ITGA2: variants seen among roughly 807,000 people sequenced by gnomAD.
The protein encoded by ITGA2 is integrin alpha-2.
A neutral mutation model predicts 146.3 loss-of-function variants in ITGA2; 101 were observed. The observed-to-expected ratio is 0.69, with a 90% CI of 0.59 to 0.81. The LOEUF (loss-of-function observed/expected upper bound fraction) is 0.81. Among genes scored for constraint, ITGA2 ranks in the 40% least tolerant of loss-of-function variants. The pLI is 0.00. For missense variants in ITGA2, 1,281 were observed against 1,402.7 expected (o/e 0.91, Z 1.39); for synonymous variants, 477 against 487.1 (o/e 0.98, Z 0.27).
At chr5:53,033,812 G>A (rs1743357377) in intron 2 of ITGA2, among the ~76,000 whole-genome samples, 1 of 149,636 alleles carries the variant, frequency 6.7e-6, no homozygotes, top group South Asian at 2.1e-4. Context: ...TGCCCAGGAT[G>A]GAGTGCAGTA....
At chr5:53,084,591 T>A (rs1191696651) in intron 27 of ITGA2, among the ~76,000 whole-genome samples, 2 of 152,188 alleles carry the variant, frequency 1.3e-5, no homozygotes, top group East Asian at 3.8e-4. Context: ...TTGCTTGCTT[T>A]TACTTTGTTT....
chr5:53,083,896 A>G (rs1308330970), intron 27 of ITGA2, among the ~76,000 whole-genome samples: 1 of 152,186 alleles, frequency 6.6e-6, no homozygotes, highest in East Asian at 1.9e-4. Context: ...CAAACCACCT[A>G]GTAGATGAAT....
intron 1 of ITGA2, among the ~76,000 whole-genome samples, chr5:53,019,919 T>G (rs1256341254): frequency 3.3e-5 from 5 of 152,220 alleles, no homozygotes; most frequent in Non-Finnish European, 7.3e-5. Flanking sequence ...TATTAGTTGT[T>G]GTTTTTAATC....
At position 53,074,389 on chromosome 5, in the gene ITGA2, A is replaced by G. The variant is rs1348916177; in HGVS notation, c.2576A>G (p.Asp859Gly). 3 of 1,611,966 alleles carry G rather than the reference A, an allele frequency of 1.9e-6. No homozygotes were observed. The African/African-American group carries it at 4.0e-5, about 22-fold the overall frequency. Reference protein sequence around the residue: ...LFFASFSLPVDGTEVTCQVAA... With the variant: ...LFFASFSLPVGGTEVTCQVAA... ...TGTTTCCTTGGTCTTGTTCAGGTTGATGGGACAGAAGTAACATGCCAGGTG... is the reference window on the plus strand; with the variant it reads ...TGTTTCCTTGGTCTTGTTCAGGTTGGTGGGACAGAAGTAACATGCCAGGTG... Residue 859 changes from aspartate to glycine, a missense_variant, in exon 21 of 30, where the codon GAT becomes GGT. Physicochemically the swap from Asp to Gly is moderately conservative, Grantham distance 94 (BLOSUM62 -1). This residue lies in a region of ITGA2 where 475 missense variants were observed against 530.5 expected (regional missense o/e 0.90). Coordinates refer to ENST00000296585, the MANE Select transcript of ITGA2 (RefSeq NM_002203.4).
chr5:53,044,704 G>A lies in ITGA2; in HGVS notation c.296-297G>A, dbSNP rs118084212. Among the ~76,000 whole-genome samples the A allele has an allele frequency of 1.2e-3, 189 of 151,584 alleles. 1 individual carries two copies. The South Asian group carries it at 0.027, about 22-fold the overall frequency. ...AGAGGCAAAAATGATGTCCTCAAAT[G>A]TGTTTTGTTTTGCTAGAATATTGTA... On this transcript the variant is annotated intron_variant, in intron 3 of 29. Coordinates refer to ENST00000296585, the MANE Select transcript of ITGA2 (RefSeq NM_002203.4).
chr5:53,046,655 T>C (rs3212678), intron 4 of ITGA2, among the ~76,000 whole-genome samples: 54 of 151,504 alleles, frequency 3.6e-4, no homozygotes, highest in Non-Finnish European at 6.3e-4. Context: ...TTTGAGAGAT[T>C]AATTAGCAGT....
At chr5:53,048,230 C>A in intron 4 of ITGA2, 133 bp from the exon 5 acceptor site, 1 of 749,834 alleles carries the variant, frequency 1.3e-6, no homozygotes, top group Non-Finnish European at 2.3e-6. Flanking sequence ...GCATTACTGA[C>A]TCATTGGTTT....
At chr5:53,009,471 T>C (rs992199938) in intron 1 of ITGA2, among the ~76,000 whole-genome samples, 12 of 152,168 alleles carry the variant, frequency 7.9e-5, no homozygotes, top group East Asian at 3.9e-4. Flanking sequence ...TTGGGTCTTA[T>C]TGTTGTTCAG....
Position 53,088,613 on chromosome 5 carries a change from G to A in ITGA2, c.3349-1333G>A, listed in dbSNP as rs373758241. Among the ~76,000 whole-genome samples, 32 of 149,486 alleles carry A rather than the reference G, an allele frequency of 2.1e-4. No homozygotes were observed. The East Asian group carries it at 5.5e-3, about 26-fold the overall frequency. ...AGGCAGGAGAATCGCTTGAACCTGC[G>A]AGGCAGAGGTTGCAATGAGCTGAGA... On this transcript the variant is annotated intron_variant, in intron 28 of 29. Coordinates refer to ENST00000296585, the MANE Select transcript of ITGA2 (RefSeq NM_002203.4).
At chr5:53,067,796 A>T (rs2056402) in intron 16 of ITGA2, among the ~76,000 whole-genome samples, 9,767 of 152,000 alleles carry the variant, frequency 0.064, 454 homozygotes, top group East Asian at 0.16. Context: ...ATGTCTCATC[A>T]GATGGGGAAG....
chr5:52,997,257 T>C (rs1421942), intron 1 of ITGA2, among the ~76,000 whole-genome samples: 67,072 of 151,986 alleles, frequency 0.44, 16,441 homozygotes, highest in Non-Finnish European at 0.55. Context: ...TAACAGAAAC[T>C]TTGCAATTCT....
chr5:53,064,507 G>T (rs1276054857), intron 13 of ITGA2, among the ~76,000 whole-genome samples: 10 of 151,746 alleles, frequency 6.6e-5, no homozygotes, highest in African/African-American at 2.2e-4. Context: ...GTCATCGATT[G>T]CTCTGAATTT....
At chr5:53,050,324 T>A (rs561740875) in intron 6 of ITGA2, among the ~76,000 whole-genome samples, 51 of 152,292 alleles carry the variant, frequency 3.3e-4, no homozygotes, top group African/African-American at 1.2e-3. Context: ...TTTCTTTAAA[T>A]CTTTTTTCTT....
At chr5:53,055,775 T>C in intron 8 of ITGA2, 87 bp downstream of exon 8, 1 of 1,479,386 alleles carries the variant, frequency 6.8e-7, no homozygotes, top group Non-Finnish European at 9.4e-7. Context: ...ACTTTCCCAT[T>C]GGCTGTTCAT....
At chr5:53,076,853 A>C (rs1419655140) in intron 23 of ITGA2, among the ~76,000 whole-genome samples, 2 of 152,066 alleles carry the variant, frequency 1.3e-5, no homozygotes, top group African/African-American at 4.8e-5. Flanking sequence ...AATTATAAAG[A>C]ACAAAAGTTA....
Position 53,071,926 on chromosome 5 carries a change from G to A in ITGA2, c.2236-12G>A, listed in dbSNP as rs769515847. On this transcript the variant is annotated splice_polypyrimidine_tract_variant and intron_variant, in intron 17 of 29. Transcript: ENST00000296585. ...TGTCTCCCCCTGTATGTTTGTGTGT[G>A]TGTATGTTTAGGAGCCCTCTGATGT... The A allele has an allele frequency of 5.0e-6, 8 of 1,592,656 alleles. No homozygotes were observed. The highest frequency in any genetic ancestry group is 1.1e-5 in the South Asian group (1 of 90,630).
intron 28 of ITGA2, 21 bp downstream of exon 28, chr5:53,087,062 C>T (rs1746192861): frequency 1.3e-6 from 2 of 1,553,752 alleles, no homozygotes. Flanking sequence ...CACACCCTTC[C>T]CTGTGAGCCT....
At chr5:53,078,745 T>C in intron 23 of ITGA2, 27 bp from the exon 24 acceptor site, 1 of 1,276,750 alleles carries the variant, frequency 7.8e-7, no homozygotes, top group Non-Finnish European at 1.1e-6. Context: ...AACTAAAATA[T>C]TTGGCTTTAC....
At chr5:53,077,599 T>C (rs3212601) in intron 23 of ITGA2, among the ~76,000 whole-genome samples, 56,372 of 151,862 alleles carry the variant, frequency 0.37, 10,613 homozygotes, top group Admixed American at 0.43. Flanking sequence ...GCATAGGAAA[T>C]AATTCATGCA....
Sources: allele counts gnomAD v4.1 joint callset (sites outside exome capture counted in the v4.1 genomes callset), GRCh38; gene constraint gnomAD v4.1.1; regional missense constraint gnomAD v4.1.1; transcripts MANE v1.5; gene names NCBI Gene and HGNC (gene_info 2026-07-23, HGNC 2026-07-21).